The following ABTB3 variants were observed in gnomAD, a reference collection of about 807,000 sequenced individuals.
The protein encoded by ABTB3 is ankyrin repeat- and BTB/POZ domain-containing protein 3.
chr12:107,641,993 G>T, the ABTB3 span: 1 of 1,129,776 alleles, frequency 8.9e-7, no homozygotes, highest in South Asian at 1.2e-5. Context: ...TGCAGGGGAA[G>T]AAACAAGGTA....
At chr12:107,489,380 C>T in the ABTB3 span, among the ~76,000 whole-genome samples, 61 of 152,166 alleles carry the variant, frequency 4.0e-4, no homozygotes, top group African/African-American at 1.4e-3. Context: ...ACCAGCCGGG[C>T]GTGGTGGTGC....
chr12:107,495,260 G>T, the ABTB3 span, among the ~76,000 whole-genome samples: 1 of 152,220 alleles, frequency 6.6e-6, no homozygotes, highest in African/African-American at 2.4e-5. Context: ...CCAGTGTCCA[G>T]CCTGTTGGGG....
At chr12:107,591,440 C>A in the ABTB3 span, among the ~76,000 whole-genome samples, 49,413 of 151,902 alleles carry the variant, frequency 0.33, 9,436 homozygotes, top group African/African-American at 0.54. Flanking sequence ...CTGAAGCAGG[C>A]GGAAAAGGGC....
At chr12:107,448,890 TG>T in the ABTB3 span, among the ~76,000 whole-genome samples, 1 of 152,218 alleles carries the variant, frequency 6.6e-6, no homozygotes, top group Non-Finnish European at 1.5e-5. Flanking sequence ...CTACTCATTG[TG>T]GGGCTCAGGA....
the ABTB3 span, among the ~76,000 whole-genome samples, chr12:107,583,620 C>T: frequency 1.7e-4 from 26 of 152,316 alleles, no homozygotes; most frequent in African/African-American, 5.8e-4. Flanking sequence ...TGAACATGAG[C>T]CTCAGGGGCC....
the ABTB3 span, among the ~76,000 whole-genome samples, chr12:107,553,610 A>G: frequency 6.6e-6 from 1 of 150,584 alleles, no homozygotes; most frequent in Non-Finnish European, 1.5e-5. Flanking sequence ...GAGAGACTTG[A>G]TAAGGTGGCA....
At chr12:107,550,607 G>A in the ABTB3 span, among the ~76,000 whole-genome samples, 1 of 140,780 alleles carries the variant, frequency 7.1e-6, no homozygotes, top group African/African-American at 2.7e-5. Flanking sequence ...TTGAGACAGA[G>A]TCTCAATCTG....
chr12:107,528,460 G>A, the ABTB3 span, among the ~76,000 whole-genome samples: 1 of 152,146 alleles, frequency 6.6e-6, no homozygotes, highest in Non-Finnish European at 1.5e-5. Context: ...ACATAATGAT[G>A]GTGATTCCCA....
chr12:107,476,992 TGGAA>T, the ABTB3 span, among the ~76,000 whole-genome samples: 1 of 152,186 alleles, frequency 6.6e-6, no homozygotes. Context: ...TTCTAGCTGG[TGGAA>T]GGGTGTCCAG....
the ABTB3 span, among the ~76,000 whole-genome samples, chr12:107,366,272 C>A: frequency 3.3e-5 from 5 of 152,286 alleles, no homozygotes; most frequent in South Asian, 1.0e-3. Context: ...AGAGAGGAAG[C>A]CAGGGACCTT....
At chr12:107,529,402 G>C in the ABTB3 span, among the ~76,000 whole-genome samples, 48 of 151,944 alleles carry the variant, frequency 3.2e-4, 1 homozygote, top group Admixed American at 3.1e-3. Context: ...TGATGATGGT[G>C]ATGATGACAG....
At chr12:107,470,412 T>G in the ABTB3 span, among the ~76,000 whole-genome samples, 1 of 152,092 alleles carries the variant, frequency 6.6e-6, no homozygotes, top group Non-Finnish European at 1.5e-5. Flanking sequence ...TCAAATAATC[T>G]GGTTGGGATG....
chr12:107,517,223 CT>C, the ABTB3 span, among the ~76,000 whole-genome samples: 6 of 152,092 alleles, frequency 3.9e-5, no homozygotes, highest in African/African-American at 1.4e-4. Flanking sequence ...TTCCATTGGT[CT>C]ATATCTCTGT....
the ABTB3 span, among the ~76,000 whole-genome samples, chr12:107,616,428 A>G: frequency 1.3e-5 from 2 of 152,210 alleles, no homozygotes; most frequent in Admixed American, 1.3e-4. Context: ...TGTGAATGAG[A>G]CCAGGCATGG....
At chr12:107,554,103 A>G in the ABTB3 span, among the ~76,000 whole-genome samples, 1 of 152,204 alleles carries the variant, frequency 6.6e-6, no homozygotes, top group African/African-American at 2.4e-5. Context: ...ACTGTGTGAG[A>G]CACTTTACAT....
the ABTB3 span, among the ~76,000 whole-genome samples, chr12:107,384,655 A>C: frequency 1.3e-5 from 2 of 152,180 alleles, no homozygotes; most frequent in Admixed American, 1.3e-4. Context: ...AGCTCTCCAG[A>C]GTTGTCCCCA....
chr12:107,657,351 C>T, the ABTB3 span, among the ~76,000 whole-genome samples: 93 of 152,266 alleles, frequency 6.1e-4, no homozygotes, highest in Middle Eastern at 6.8e-3. Flanking sequence ...TAGCATGAGC[C>T]GCAAAGTCAT....
the ABTB3 span, among the ~76,000 whole-genome samples, chr12:107,543,372 G>A: frequency 2.0e-5 from 3 of 147,542 alleles, no homozygotes; most frequent in African/African-American, 7.5e-5. Flanking sequence ...AAAAAAACAC[G>A]AAAAGTACAG....
chr12:107,513,182 TCTC>T, the ABTB3 span, among the ~76,000 whole-genome samples: 1 of 152,188 alleles, frequency 6.6e-6, no homozygotes, highest in African/African-American at 2.4e-5. Context: ...TTCTCCTCCT[TCTC>T]CTCCTTCATC....
Sources: gnomAD v4.1 joint callset for allele counts (sites outside exome capture counted in the v4.1 genomes callset) on GRCh38, gnomAD v4.1.1 for gene constraint, MANE v1.5 for transcripts, NCBI Gene and HGNC (gene_info 2026-07-23, HGNC 2026-07-21) for gene names.